PDE1C: variants seen among roughly 807,000 people sequenced by gnomAD.
PDE1C encodes the protein dual specificity calcium/calmodulin-dependent 3',5'-cyclic nucleotide phosphodiesterase 1C.
A neutral mutation model predicts 93.1 loss-of-function variants in PDE1C; 62 were observed. The ratio of observed to expected loss-of-function variants is 0.67; its 90% CI spans 0.54 to 0.82. The LOEUF (loss-of-function observed/expected upper bound fraction) is 0.82, where lower values mean the gene tolerates loss of function less well. Among genes scored for constraint, PDE1C ranks in the 40% least tolerant of loss-of-function variants. The pLI is 0.00. For synonymous variants in PDE1C, 325 were observed against 310.1 expected (o/e 1.05, Z -0.50); for missense variants, 742 against 884.6 (o/e 0.84, Z 2.04).
intron 2 of PDE1C, among the ~76,000 whole-genome samples, chr7:32,186,072 C>G (rs1384208311): frequency 6.9e-6 from 1 of 145,198 alleles, no homozygotes; most frequent in Non-Finnish European, 1.5e-5. Flanking sequence ...ACTTTTTTCC[C>G]TAATTTGTTT....
At chr7:32,141,016 C>A (rs1800492086) in intron 3 of PDE1C, among the ~76,000 whole-genome samples, 1 of 152,220 alleles carries the variant, frequency 6.6e-6, no homozygotes. Context: ...AGCTTTAAGG[C>A]CAAAATTTAT....
At chr7:32,181,919 G>A (rs1380414600) in intron 2 of PDE1C, among the ~76,000 whole-genome samples, 2 of 151,972 alleles carry the variant, frequency 1.3e-5, no homozygotes, top group Admixed American at 6.6e-5. Context: ...TAATAAAGAA[G>A]AAAAGAGAGA....
the PDE1C span, among the ~76,000 whole-genome samples, chr7:31,628,817 A>T: frequency 2.0e-5 from 3 of 152,176 alleles, no homozygotes; most frequent in Non-Finnish European, 4.4e-5. Context: ...ATGTGAGGAA[A>T]TGGGCTGCCT....
chr7:31,882,783 G>A (rs899439919), intron 2 of PDE1C, among the ~76,000 whole-genome samples: 4 of 151,968 alleles, frequency 2.6e-5, no homozygotes, highest in South Asian at 2.1e-4. Flanking sequence ...AGAAAATGAT[G>A]AGAAAAATTA....
chr7:31,846,039 T>G (rs1792532289), intron 9 of PDE1C, among the ~76,000 whole-genome samples: 1 of 151,964 alleles, frequency 6.6e-6, no homozygotes, highest in Admixed American at 6.6e-5. Flanking sequence ...GAGAACAGCT[T>G]CACACATATT....
chr7:31,754,426 C>T (rs1794320821), intron 17 of PDE1C, among the ~76,000 whole-genome samples: 2 of 152,134 alleles, frequency 1.3e-5, no homozygotes, highest in Non-Finnish European at 2.9e-5. Context: ...CACATAAAAA[C>T]CCACACATGA....
At chr7:31,854,263 A>T (rs1317459456) in intron 7 of PDE1C, among the ~76,000 whole-genome samples, 1 of 152,084 alleles carries the variant, frequency 6.6e-6, no homozygotes, top group East Asian at 1.9e-4. Flanking sequence ...AAAGTGGGAG[A>T]AGCTATTTTG....
chr7:32,036,004 C>T lies in PDE1C; in HGVS notation c.128+15550G>A, dbSNP rs574996593. Among the ~76,000 whole-genome samples the T allele has an allele frequency of 2.0e-5, 3 of 152,268 alleles. No individual in the cohort carries two copies. The East Asian group carries it at 5.8e-4, about 29-fold the overall frequency. On this transcript the variant is annotated intron_variant, in intron 2 of 17. Coordinates refer to ENST00000396191, the MANE Select transcript of PDE1C (RefSeq NM_001191057.4). ...CTGTGAAGGAAACACCAGAGTGGGGCAAGCTCAGAGAAAATTCAGCCAACA... is the reference window on the plus strand; with the variant it reads ...CTGTGAAGGAAACACCAGAGTGGGGTAAGCTCAGAGAAAATTCAGCCAACA...
chr7:31,749,020 A>T (rs1794064228), downstream of PDE1C, among the ~76,000 whole-genome samples: 1 of 152,196 alleles, frequency 6.6e-6, no homozygotes, highest in South Asian at 2.1e-4. Flanking sequence ...CTTAAAAAAT[A>T]GTGGCTATCA....
chr7:31,680,260 T>C, the PDE1C span, among the ~76,000 whole-genome samples: 4 of 152,182 alleles, frequency 2.6e-5, no homozygotes, highest in African/African-American at 9.6e-5. Context: ...GAGAACATGA[T>C]ACTCAAAAAA....
At chr7:32,423,504 A>C (rs1007860433) in intron 1 of PDE1C, among the ~76,000 whole-genome samples, 2 of 152,244 alleles carry the variant, frequency 1.3e-5, no homozygotes, top group Non-Finnish European at 2.9e-5. Context: ...TGTGATACAC[A>C]CTTTGCTGGT....
the PDE1C span, among the ~76,000 whole-genome samples, chr7:31,695,119 T>C: frequency 1.3e-5 from 2 of 149,084 alleles, no homozygotes; most frequent in Non-Finnish European, 3.0e-5. Flanking sequence ...GCAAAAAGAA[T>C]GGAGGCGCGT....
the PDE1C span, among the ~76,000 whole-genome samples, chr7:31,669,516 G>A: frequency 6.6e-6 from 1 of 152,076 alleles, no homozygotes; most frequent in Non-Finnish European, 1.5e-5. Context: ...TAAAATATGG[G>A]CCACTTTTTG....
intron 9 of PDE1C, among the ~76,000 whole-genome samples, chr7:31,841,819 G>A (rs941512933): frequency 1.3e-5 from 2 of 152,096 alleles, no homozygotes; most frequent in Non-Finnish European, 2.9e-5. Context: ...AAGATCTGCA[G>A]GGTAAATCAG....
chr7:32,172,641 G>T (rs1186992452), intron 2 of PDE1C, among the ~76,000 whole-genome samples: 1 of 152,010 alleles, frequency 6.6e-6, no homozygotes, highest in Non-Finnish European at 1.5e-5. Context: ...TGACCAACAT[G>T]GAGAAACCCC....
At chr7:32,157,400 C>A (rs1287383991) in intron 3 of PDE1C, among the ~76,000 whole-genome samples, 1 of 152,124 alleles carries the variant, frequency 6.6e-6, no homozygotes, top group Non-Finnish European at 1.5e-5. Context: ...CTGATTTGAT[C>A]ATTGTACATT....
intron 2 of PDE1C, among the ~76,000 whole-genome samples, chr7:31,980,191 C>T (rs375969402): frequency 5.3e-5 from 8 of 152,076 alleles, no homozygotes; most frequent in African/African-American, 1.9e-4. Context: ...CAGCACAAAG[C>T]GGGCCAGGTC....
At chr7:32,333,579 T>C (rs1327518750) in intron 1 of PDE1C, among the ~76,000 whole-genome samples, 2 of 152,196 alleles carry the variant, frequency 1.3e-5, no homozygotes, top group East Asian at 3.9e-4. Context: ...CATCAAAAGA[T>C]TGTGTGCTGT....
chr7:31,618,353 G>T, the PDE1C span, among the ~76,000 whole-genome samples: 1 of 120,668 alleles, frequency 8.3e-6, no homozygotes, highest in East Asian at 2.8e-4. Flanking sequence ...TCTTTGGGAG[G>T]TTCCTCCCCT....
Sources: gnomAD v4.1 joint callset for allele counts (sites outside exome capture counted in the v4.1 genomes callset) on GRCh38, gnomAD v4.1.1 for gene constraint, MANE v1.5 for transcripts, NCBI Gene and HGNC (gene_info 2026-07-23, HGNC 2026-07-21) for gene names.